LHFPL1: variants seen among roughly 807,000 people sequenced by gnomAD.
The protein encoded by LHFPL1 is LHFPL tetraspan subfamily member 1 protein.
Under a neutral mutation model 12.1 loss-of-function variants are expected in LHFPL1, and 4 were observed. That is an observed-to-expected ratio of 0.33 (90% CI 0.16 to 0.76). The LOEUF (loss-of-function observed/expected upper bound fraction) is 0.76, where lower values mean the gene tolerates loss of function less well. Among genes scored for constraint, LHFPL1 ranks in the 30% least tolerant of loss-of-function variants. The pLI, the probability that LHFPL1 is intolerant of heterozygous loss-of-function variation, is 0.61. For synonymous variants in LHFPL1, 52 were observed against 61.9 expected (o/e 0.84, Z 0.75); for missense variants, 141 against 174.1 (o/e 0.81, Z 1.07).
At position 112,632,999 on chromosome X, in the gene LHFPL1, G is replaced by A. The variant is rs765877785; in HGVS notation, c.482-1398C>T. On this transcript the variant is annotated intron_variant, in intron 3 of 3. Transcript: ENST00000371968. ...TTGAAGCCCTCCCTTGATTCACTCC[G>A]CTGGGCTCATGTCACCTCAACCAGG... Among the ~76,000 whole-genome samples the A allele has an allele frequency of 1.7e-3, 190 of 111,935 alleles. 1 individual carries two copies. The highest frequency in any genetic ancestry group is 5.8e-3 in the African/African-American group (179 of 30,791).
chrX:112,634,237 G>A (rs1425330327), intron 3 of LHFPL1, among the ~76,000 whole-genome samples: 1 of 111,376 alleles, frequency 9.0e-6, no homozygotes, highest in African/African-American at 3.3e-5. Context: ...GCCCTCTGCA[G>A]TTTTGTTTTC....
intron 3 of LHFPL1, among the ~76,000 whole-genome samples, chrX:112,651,183 C>T (rs1460645399): frequency 4.5e-5 from 5 of 112,052 alleles, no homozygotes; most frequent in African/African-American, 1.6e-4. Context: ...TCACTCAACT[C>T]TTTCTCCCTA....
intron 2 of LHFPL1, among the ~76,000 whole-genome samples, chrX:112,661,350 T>C (rs1931181204): frequency 8.9e-6 from 1 of 111,855 alleles, no homozygotes; most frequent in Non-Finnish European, 1.9e-5. Flanking sequence ...CAGGGAAATT[T>C]TGTTGTACCT....
At chrX:112,641,535 T>C (rs1930507755) in intron 3 of LHFPL1, among the ~76,000 whole-genome samples, 1 of 111,716 alleles carries the variant, frequency 9.0e-6, no homozygotes, top group African/African-American at 3.3e-5. Flanking sequence ...GCAAGCCATT[T>C]CTCCTTTCTG....
At chrX:112,671,502 GGGGCTCAATTATGT>G in intron 1 of LHFPL1, 98 bp from the exon 2 acceptor site, 2 of 1,183,179 alleles carry the variant, frequency 1.7e-6, no homozygotes, top group Non-Finnish European at 2.3e-6. Context: ...GGCCAGTCCT[GGGGCTCAATTATGT>G]GCCACTTGGT....
intron 3 of LHFPL1, among the ~76,000 whole-genome samples, chrX:112,632,726 C>T (rs1930224790): frequency 8.9e-6 from 1 of 111,848 alleles, no homozygotes; most frequent in African/African-American, 3.3e-5. Flanking sequence ...ACCTGGTGAA[C>T]CTTAATTTTA....
intron 1 of LHFPL1, among the ~76,000 whole-genome samples, chrX:112,675,147 A>G (rs958983417): frequency 1.8e-5 from 2 of 111,551 alleles, no homozygotes; most frequent in Admixed American, 1.9e-4. Context: ...GGGATAAAAG[A>G]TTACAAATAC....
At chrX:112,658,965 A>G (rs1372617805) in intron 3 of LHFPL1, among the ~76,000 whole-genome samples, 1 of 112,307 alleles carries the variant, frequency 8.9e-6, no homozygotes, top group Admixed American at 9.5e-5. Context: ...AAGTACTGGT[A>G]CATGCTACTA....
chrX:112,679,637 CA>C (rs1602702866), intron 1 of LHFPL1, among the ~76,000 whole-genome samples, 191 bp downstream of exon 1: 1 of 111,327 alleles, frequency 9.0e-6, no homozygotes, highest in Non-Finnish European at 1.9e-5. Context: ...AGCCTCTGTG[CA>C]AACAACGGAC....
intron 3 of LHFPL1, among the ~76,000 whole-genome samples, chrX:112,633,063 A>T (rs1930234515): frequency 8.9e-6 from 1 of 112,332 alleles, no homozygotes; most frequent in African/African-American, 3.2e-5. Flanking sequence ...CCATTGACAG[A>T]TGTACCTGCT....
At chrX:112,666,573 C>T (rs1473560288) in intron 2 of LHFPL1, among the ~76,000 whole-genome samples, 1 of 111,703 alleles carries the variant, frequency 9.0e-6, no homozygotes. Flanking sequence ...AATAACAACT[C>T]CCAGACAGTT....
intron 3 of LHFPL1, among the ~76,000 whole-genome samples, chrX:112,652,021 G>A (rs765909131): frequency 4.4e-5 from 5 of 112,672 alleles, no homozygotes; most frequent in South Asian, 3.7e-4. Flanking sequence ...ATGTGCTTTC[G>A]CACATTAGAG....
chrX:112,648,007 A>G (rs1251616594), intron 3 of LHFPL1, among the ~76,000 whole-genome samples: 1 of 111,627 alleles, frequency 9.0e-6, no homozygotes, highest in African/African-American at 3.3e-5. Flanking sequence ...AAAAAGGATG[A>G]GTTCATGTCC....
At chrX:112,647,987 T>C (rs1480467762) in intron 3 of LHFPL1, among the ~76,000 whole-genome samples, 2 of 111,523 alleles carry the variant, frequency 1.8e-5, no homozygotes, top group African/African-American at 3.3e-5. Flanking sequence ...TGGAATACTA[T>C]GCATCCATAA....
At chrX:112,639,181 C>T (rs1272732247) in intron 3 of LHFPL1, among the ~76,000 whole-genome samples, 5 of 103,417 alleles carry the variant, frequency 4.8e-5, no homozygotes, top group Non-Finnish European at 1.0e-4. Flanking sequence ...ACCCCGGCCC[C>T]CAGTAAAAAG....
intron 3 of LHFPL1, among the ~76,000 whole-genome samples, chrX:112,646,204 T>C (rs1326931073): frequency 1.8e-5 from 2 of 110,112 alleles, no homozygotes; most frequent in Non-Finnish European, 3.8e-5. Context: ...CAGGGTCAGG[T>C]ACATAATTTT....
chrX:112,631,185 T>G lies in LHFPL1; in HGVS notation c.*235A>C. The G allele has an allele frequency of 1.3e-5, 4 of 318,923 alleles. No homozygotes were observed. The South Asian group carries it at 2.7e-4, about 21-fold the overall frequency. 26.3% of individuals were successfully genotyped at this position (318,923 alleles called of 1,213,427 possible). A position where few individuals can be genotyped will look rare whatever the true frequency, so the allele number is the denominator to read the frequency against. ...AAAGGGGTACTTTGGGTCTTCGGGT[T>G]AGCACGACTTGCCAGTTGGGTAAAT... On this transcript the variant is annotated 3_prime_UTR_variant, in exon 4 of 4. Coordinates refer to ENST00000371968, the MANE Select transcript of LHFPL1 (RefSeq NM_178175.4).
At chrX:112,654,988 T>G (rs1382180954) in intron 3 of LHFPL1, among the ~76,000 whole-genome samples, 2 of 112,034 alleles carry the variant, frequency 1.8e-5, no homozygotes, top group African/African-American at 3.2e-5. Context: ...ACATGTCTAG[T>G]GCCTTGGCAG....
At chrX:112,657,708 T>C (rs1433940915) in intron 3 of LHFPL1, among the ~76,000 whole-genome samples, 1 of 111,161 alleles carries the variant, frequency 9.0e-6, no homozygotes, top group Non-Finnish European at 1.9e-5. Context: ...CAAGAAATGG[T>C]GCTACAACAA....
Sources: allele counts gnomAD v4.1 joint callset (sites outside exome capture counted in the v4.1 genomes callset), GRCh38; gene constraint gnomAD v4.1.1; transcripts MANE v1.5; gene names NCBI Gene and HGNC (gene_info 2026-07-23, HGNC 2026-07-21).